TULP3: variants seen among roughly 807,000 people sequenced by gnomAD.
TULP3 encodes the protein TUB like protein 3.
Under a neutral mutation model 50.7 loss-of-function variants are expected in TULP3, and 38 were observed. The ratio of observed to expected loss-of-function variants is 0.75; its 90% confidence interval spans 0.58 to 0.98. The LOEUF is 0.98. Ranked by LOEUF, TULP3 falls within the 50% of genes least tolerant of loss-of-function variation. The pLI is 0.00. For missense variants in TULP3, 550 were observed against 568.0 expected (o/e 0.97, Z 0.32); for synonymous variants, 183 against 196.6 (o/e 0.93, Z 0.58).
At chr12:2,903,368 G>A (rs12299692) in intron 1 of TULP3, among the ~76,000 whole-genome samples, 72,051 of 150,958 alleles carry the variant, frequency 0.48, 17,600 homozygotes, top group African/African-American at 0.6. Flanking sequence ...TTCAAGTCCA[G>A]CCAGACCAAC....
rs1211459376 is a variant in TULP3, at chr12:2,940,373, C to T, written c.*929C>T. On this transcript the variant is annotated 3_prime_UTR_variant, in exon 11 of 11. Coordinates refer to ENST00000448120, the MANE Select transcript of TULP3 (RefSeq NM_003324.5). Reference sequence around the variant, plus strand: ...AGAGGCTTTGGGGAGGATCAGCCAGCAGACATGAGCACTGCTGGCCCGTGT... The same window carrying T: ...AGAGGCTTTGGGGAGGATCAGCCAGTAGACATGAGCACTGCTGGCCCGTGT... 1 of 1,457,466 alleles carries T rather than the reference C, an allele frequency of 6.9e-7. No homozygotes were observed. Among genetic ancestry groups the T allele is most frequent in the Non-Finnish European group, 9.0e-7 (1 of 1,111,898 alleles). The allele number at this position is 1,457,466 out of a possible 1,614,324, so 90.3% of individuals were successfully genotyped here.
chr12:2,903,522 A>G (rs1042236828), intron 1 of TULP3, among the ~76,000 whole-genome samples: 21 of 151,186 alleles, frequency 1.4e-4, no homozygotes, highest in African/African-American at 4.9e-4. Flanking sequence ...AGATCACGCC[A>G]CTGCACTGCA....
chr12:2,927,933 G>T (rs2098195619), intron 4 of TULP3, among the ~76,000 whole-genome samples: 1 of 152,136 alleles, frequency 6.6e-6, no homozygotes, highest in South Asian at 2.1e-4. Context: ...TTGGAGAAAT[G>T]ATTCTTCCTG....
At chr12:2,892,460 GA>G (rs62698560) in intron 1 of TULP3, among the ~76,000 whole-genome samples, 7 of 150,906 alleles carry the variant, frequency 4.6e-5, no homozygotes, top group East Asian at 1.9e-4. Flanking sequence ...ATTTTTTGGG[GA>G]AAAAAAAACG....
chr12:2,904,587 G>T (rs764194898), intron 1 of TULP3, among the ~76,000 whole-genome samples: 4 of 152,134 alleles, frequency 2.6e-5, no homozygotes, highest in Non-Finnish European at 4.4e-5. Context: ...CCTCTGCCAC[G>T]CTTGAGTGTT....
chr12:2,934,234 G>A (rs148553166), intron 7 of TULP3, among the ~76,000 whole-genome samples: 1 of 152,202 alleles, frequency 6.6e-6, no homozygotes, highest in African/African-American at 2.4e-5. Context: ...GGGCGACAGA[G>A]CGAGACCCTG....
intron 1 of TULP3, among the ~76,000 whole-genome samples, chr12:2,897,771 T>TAAAAAAAA (rs71057851): frequency 3.2e-5 from 4 of 125,784 alleles, no homozygotes; most frequent in African/African-American, 1.3e-4. Context: ...CCCTGTCTCT[T>TAAAAAAAA]AAAAAAAAAA....
At chr12:2,911,875 G>C (rs2098185884) in intron 2 of TULP3, among the ~76,000 whole-genome samples, 3 of 151,580 alleles carry the variant, frequency 2.0e-5, no homozygotes, top group Admixed American at 6.6e-5. Context: ...TGTAGTTCCA[G>C]CTGCCTGGGA....
At chr12:2,906,481 G>A (rs868598181) in intron 1 of TULP3, among the ~76,000 whole-genome samples, 17 of 150,856 alleles carry the variant, frequency 1.1e-4, no homozygotes, top group Non-Finnish European at 2.2e-4. Flanking sequence ...GGTGCATGCC[G>A]CCATGCCCAG....
At chr12:2,908,060 A>T (rs2098183404) in intron 1 of TULP3, among the ~76,000 whole-genome samples, 2 of 152,310 alleles carry the variant, frequency 1.3e-5, no homozygotes, top group African/African-American at 4.8e-5. Context: ...CCAAGTGATG[A>T]AGAGGAAGAA....
chr12:2,893,475 C>T (rs749544181), intron 1 of TULP3, among the ~76,000 whole-genome samples: 1 of 151,936 alleles, frequency 6.6e-6, no homozygotes, highest in Non-Finnish European at 1.5e-5. Context: ...CATGCGCCAC[C>T]GTGCCCGGCT....
Position 2,940,231 on chromosome 12 carries a change from AG to A in TULP3, c.*788del. 2 of 1,351,780 alleles carry A rather than the reference AG, an allele frequency of 1.5e-6. No homozygotes were observed. Among genetic ancestry groups the A allele is most frequent in the African/African-American group, 2.9e-5 (2 of 68,486 alleles). 83.7% of individuals were successfully genotyped at this position (1,351,780 alleles called of 1,614,324 possible). A position where few individuals can be genotyped will look rare whatever the true frequency, so the allele number is the denominator to read the frequency against. On this transcript the variant is annotated 3_prime_UTR_variant, in exon 11 of 11. Transcript: ENST00000448120. The stretch of plus-strand genomic sequence containing the variant: ...ACAGCTATATGACTACGGATCCATT[AG>A]TGAGGAGCGACACACACACCTGTAG...
intron 1 of TULP3, among the ~76,000 whole-genome samples, chr12:2,896,360 A>G (rs1441547456): frequency 1.3e-5 from 2 of 152,214 alleles, no homozygotes; most frequent in African/African-American, 4.8e-5. Context: ...CTGGCTTGGA[A>G]GTTCTACCTA....
rs1401530750 is a variant in TULP3 at position 2,931,116 on chromosome 12, T to A, written c.572T>A (p.Phe191Tyr). ...GGAGACATAGACGACCTGGAGGACTTTGTGTATAGTCCTGCCCCTCAAGGT... is the reference window on the plus strand; with the variant it reads ...GGAGACATAGACGACCTGGAGGACTATGTGTATAGTCCTGCCCCTCAAGGT... The part of the protein sequence containing the change: ...LLGDIDDLED[F>Y]VYSPAPQGVT... Residue 191 changes from phenylalanine (F) to tyrosine (Y), a missense_variant, in exon 6 of 11, where the codon TTT becomes TAT. Physicochemically the swap from Phe to Tyr is conservative, Grantham distance 22. Transcript: ENST00000448120. 17 of 1,614,162 alleles carry A rather than the reference T, an allele frequency of 1.1e-5. No homozygotes were observed. Among genetic ancestry groups the A allele is most frequent in the Non-Finnish European group, 1.4e-5 (17 of 1,180,034 alleles).
rs975365327 is a variant in TULP3 at position 2,931,217 on chromosome 12, T to C, written c.673T>C (p.Leu225=). 1.9e-6 allele frequency: 3 copies of C among 1,613,626 alleles called. No homozygotes were observed. In the African/African-American group the frequency reaches 4.0e-5, roughly 22 times the overall value. The change falls in exon 6 of 11, where the codon TTG becomes CTG. Residue 225 remains leucine (L), a synonymous_variant. Transcript: ENST00000448120. ...RGLFPTYYMY[L]EKEENQKIFL... is the part of the protein sequence containing the mutation. ...TCTCTTCCCCACCTACTATATGTAC[T>C]TGGAAAAAGAAGAAAATCAGAAGGT...
At chr12:2,920,096 C>T (rs1380132033) in intron 2 of TULP3, among the ~76,000 whole-genome samples, 1 of 151,448 alleles carries the variant, frequency 6.6e-6, no homozygotes, top group Admixed American at 6.6e-5. Context: ...CTGAAGAAAC[C>T]ACCCTTGCTG....
At chr12:2,915,387 A>T (rs147038733) in intron 2 of TULP3, among the ~76,000 whole-genome samples, 1 of 152,222 alleles carries the variant, frequency 6.6e-6, no homozygotes, top group Non-Finnish European at 1.5e-5. Flanking sequence ...ATTAAAGTAC[A>T]ACATAGTTCC....
intron 4 of TULP3, among the ~76,000 whole-genome samples, 186 bp downstream of exon 4, chr12:2,922,588 T>C (rs1398404793): frequency 6.6e-6 from 1 of 152,236 alleles, no homozygotes; most frequent in Non-Finnish European, 1.5e-5. Flanking sequence ...TGGTAGTATT[T>C]ATACTGTTGC....
rs184507902 is a variant in TULP3, at chr12:2,930,672, C to T, written c.492+327C>T. Among the ~76,000 whole-genome samples, 478 of 152,278 alleles carry T rather than the reference C, an allele frequency of 3.1e-3. 3 individuals carry two copies. The highest frequency in any genetic ancestry group is 0.011 in the African/African-American group (457 of 41,562). ...TCTCCTGACCTCGTGATCCGCCCGC[C>T]TCAGCCTCCCAAAGTGCTGGGATTA... On this transcript the variant is annotated intron_variant, in intron 5 of 10. Coordinates refer to ENST00000448120, the MANE Select transcript of TULP3 (RefSeq NM_003324.5).
Sources: allele counts gnomAD v4.1 joint callset (sites outside exome capture counted in the v4.1 genomes callset), GRCh38; gene constraint gnomAD v4.1.1; transcripts MANE v1.5; gene names NCBI Gene and HGNC (gene_info 2026-07-23, HGNC 2026-07-21).